GRID2: variants seen among roughly 807,000 people sequenced by gnomAD.
GRID2 encodes the protein glutamate ionotropic receptor delta type subunit 2.
Under a neutral mutation model 114.8 loss-of-function variants are expected in GRID2, and 33 were observed. The observed-to-expected ratio is 0.29, with a 90% CI of 0.22 to 0.38. The LOEUF (loss-of-function observed/expected upper bound fraction) is 0.38. Among genes scored for constraint, GRID2 ranks in the 10% least tolerant of loss-of-function variants. The pLI is 1.00. For missense variants in GRID2, 1,184 were observed against 1,257.7 expected, an observed-to-expected ratio of 0.94 and a Z score of 0.89; for synonymous variants, 505 against 449.9, an observed-to-expected ratio of 1.12 and a Z score of -1.55.
intron 4 of GRID2, among the ~76,000 whole-genome samples, chr4:93,142,143 G>A (rs1238816878): frequency 6.6e-6 from 1 of 152,170 alleles, no homozygotes; most frequent in Non-Finnish European, 1.5e-5. Flanking sequence ...GAGCTTGGAG[G>A]TGGAGATTGC....
At chr4:93,296,237 G>C (rs934220847) in intron 8 of GRID2, among the ~76,000 whole-genome samples, 1 of 152,088 alleles carries the variant, frequency 6.6e-6, no homozygotes. Context: ...CTTTTCTTGT[G>C]TATATCAAAT....
chr4:93,213,620 G>T (rs1199027879), intron 5 of GRID2, among the ~76,000 whole-genome samples: 1 of 152,050 alleles, frequency 6.6e-6, no homozygotes, highest in Non-Finnish European at 1.5e-5. Context: ...GTTATTTTTA[G>T]TCTAAATTGG....
At chr4:92,723,652 T>C (rs142309036) in intron 2 of GRID2, among the ~76,000 whole-genome samples, 1 of 152,290 alleles carries the variant, frequency 6.6e-6, no homozygotes, top group African/African-American at 2.4e-5. Context: ...GAATTGCTGT[T>C]TCTTGCAGAA....
intron 14 of GRID2, among the ~76,000 whole-genome samples, chr4:93,711,293 G>A (rs768000262): frequency 3.3e-5 from 5 of 152,118 alleles, no homozygotes; most frequent in Middle Eastern, 3.2e-3. Context: ...AGCAAGTGAT[G>A]AATCCTTCCA....
intron 14 of GRID2, among the ~76,000 whole-genome samples, chr4:93,763,517 G>T (rs182223200): frequency 1.3e-5 from 2 of 152,080 alleles, no homozygotes; most frequent in Non-Finnish European, 2.9e-5. Context: ...CGTTTACTCA[G>T]GGTTTAAGAA....
chr4:92,679,644 C>T (rs1265871796), intron 2 of GRID2, among the ~76,000 whole-genome samples: 1 of 151,948 alleles, frequency 6.6e-6, no homozygotes, highest in Non-Finnish European at 1.5e-5. Context: ...TGAACAGGTT[C>T]ATTTTTATAA....
chr4:93,721,800 TTG>T (rs1434760686), intron 14 of GRID2, among the ~76,000 whole-genome samples: 1 of 152,166 alleles, frequency 6.6e-6, no homozygotes, highest in Non-Finnish European at 1.5e-5. Context: ...TGTTCAGAGA[TTG>T]TTTTATTTAA....
At chr4:92,368,715 G>A (rs928967790) in intron 1 of GRID2, among the ~76,000 whole-genome samples, 4 of 151,890 alleles carry the variant, frequency 2.6e-5, no homozygotes, top group Admixed American at 1.3e-4. Flanking sequence ...CATCCTACTC[G>A]GAGTCTATGA....
chr4:93,451,166 A>G (rs908192847), intron 10 of GRID2, among the ~76,000 whole-genome samples: 1 of 152,090 alleles, frequency 6.6e-6, no homozygotes, highest in Non-Finnish European at 1.5e-5. Context: ...TTTTTTTAAA[A>G]GTCACAATCC....
chr4:93,054,524 T>A (rs558590885), intron 2 of GRID2, among the ~76,000 whole-genome samples: 1 of 152,058 alleles, frequency 6.6e-6, no homozygotes, highest in South Asian at 2.1e-4. Flanking sequence ...TTGACAAATT[T>A]GGAGCATGTG....
At chr4:93,245,724 A>G (rs1013070097) in intron 8 of GRID2, among the ~76,000 whole-genome samples, 1 of 152,190 alleles carries the variant, frequency 6.6e-6, no homozygotes, top group Non-Finnish European at 1.5e-5. Flanking sequence ...CTTCAAAGCA[A>G]ATTGAGTTTC....
intron 2 of GRID2, among the ~76,000 whole-genome samples, chr4:92,911,009 T>C (rs1393821280): frequency 6.6e-6 from 1 of 152,098 alleles, no homozygotes; most frequent in African/African-American, 2.4e-5. Context: ...ATAGTTTGAA[T>C]AGAGTACAAA....
intron 2 of GRID2, among the ~76,000 whole-genome samples, chr4:92,925,059 A>G (rs1013579541): frequency 1.3e-5 from 2 of 152,148 alleles, no homozygotes; most frequent in Non-Finnish European, 2.9e-5. Context: ...GCAAGGGTCC[A>G]GAATAAAATA....
intron 1 of GRID2, among the ~76,000 whole-genome samples, chr4:92,447,750 C>T (rs536213123): frequency 9.6e-4 from 146 of 152,318 alleles, no homozygotes; most frequent in African/African-American, 3.4e-3. Flanking sequence ...TGTGTCTGCT[C>T]ATGTTGGAAG....
At chr4:93,590,458 C>T (rs1738112466) in intron 13 of GRID2, among the ~76,000 whole-genome samples, 1 of 149,336 alleles carries the variant, frequency 6.7e-6, no homozygotes, top group African/African-American at 2.4e-5. Context: ...GTTACTGTAG[C>T]CTTGTAGTAT....
chr4:93,402,298 G>A (rs1449435125), intron 9 of GRID2, among the ~76,000 whole-genome samples: 1 of 152,144 alleles, frequency 6.6e-6, no homozygotes, highest in East Asian at 1.9e-4. Context: ...TGGAAACCAA[G>A]ACGCTGTTCT....
At chr4:92,950,247 T>G (rs548188425) in intron 2 of GRID2, among the ~76,000 whole-genome samples, 4 of 152,292 alleles carry the variant, frequency 2.6e-5, no homozygotes, top group African/African-American at 9.6e-5. Flanking sequence ...TTTTGCCTGT[T>G]GGCTCAAAAT....
intron 2 of GRID2, among the ~76,000 whole-genome samples, chr4:92,921,708 G>T (rs960587093): frequency 3.2e-4 from 49 of 152,152 alleles, no homozygotes; most frequent in African/African-American, 1.1e-3. Context: ...TCCTCTGGAA[G>T]TTTTGTCTCA....
chr4:92,615,938 G>T (rs1729986235), intron 2 of GRID2, among the ~76,000 whole-genome samples: 1 of 151,454 alleles, frequency 6.6e-6, no homozygotes, highest in Non-Finnish European at 1.5e-5. Context: ...TGCTGTTATT[G>T]TCTTTATATG....
Sources: gnomAD v4.1 joint callset for allele counts (sites outside exome capture counted in the v4.1 genomes callset) on GRCh38, gnomAD v4.1.1 for gene constraint, MANE v1.5 for transcripts, NCBI Gene and HGNC (gene_info 2026-07-23, HGNC 2026-07-21) for gene names.